The following CDH7 variants were observed in gnomAD, a reference collection of about 807,000 sequenced individuals.
CDH7 encodes the protein cadherin-7.
CDH7 carries 25 observed loss-of-function variants against 71.8 expected under a neutral mutation model. The observed-to-expected ratio is 0.35, with a 90% CI of 0.25 to 0.49. The LOEUF is 0.49. Ranked by LOEUF, CDH7 falls within the 20% of genes least tolerant of loss-of-function variation. The pLI is 0.99. For synonymous variants in CDH7, 381 were observed against 363.8 expected (o/e 1.05, Z -0.54); for missense variants, 862 against 974.6 (o/e 0.88, Z 1.54).
intron 6 of CDH7, among the ~76,000 whole-genome samples, chr18:65,836,253 G>A (rs1912528749): frequency 6.6e-6 from 1 of 152,154 alleles, no homozygotes; most frequent in African/African-American, 2.4e-5. Flanking sequence ...AATTAATGCA[G>A]AAGTCAAAAT....
intron 7 of CDH7, among the ~76,000 whole-genome samples, chr18:65,853,104 A>C (rs1197411232): frequency 6.6e-6 from 1 of 152,152 alleles, no homozygotes; most frequent in African/African-American, 2.4e-5. Flanking sequence ...TATGGAAGTG[A>C]TCTCTCTAAT....
At chr18:65,810,144 T>A in intron 3 of CDH7, 146 bp downstream of exon 3, 2 of 633,294 alleles carry the variant, frequency 3.2e-6, no homozygotes, top group East Asian at 5.4e-5. Context: ...GGGGAACATT[T>A]GAGACATGTT....
At chr18:65,866,931 T>C (rs1184794378) in intron 11 of CDH7, among the ~76,000 whole-genome samples, 2 of 152,214 alleles carry the variant, frequency 1.3e-5, no homozygotes, top group Non-Finnish European at 1.5e-5. Context: ...AGATAAGCTA[T>C]TGCTATACTC....
chr18:65,808,369 A>C (rs1274915149), intron 2 of CDH7, among the ~76,000 whole-genome samples: 1 of 152,242 alleles, frequency 6.6e-6, no homozygotes, highest in Non-Finnish European at 1.5e-5. Flanking sequence ...TAAGACAGTT[A>C]AATAATTCAC....
At chr18:65,759,473 C>T (rs536199789) in intron 1 of CDH7, among the ~76,000 whole-genome samples, 7 of 151,264 alleles carry the variant, frequency 4.6e-5, no homozygotes, top group South Asian at 4.2e-4. Flanking sequence ...AGGATGGTCT[C>T]GATCTCCTGA....
chr18:65,856,437 T>C (rs1913359430), intron 7 of CDH7, among the ~76,000 whole-genome samples: 1 of 152,076 alleles, frequency 6.6e-6, no homozygotes, highest in Non-Finnish European at 1.5e-5. Flanking sequence ...ATCAATAAAC[T>C]GTAGGTCCCT....
At chr18:65,838,444 T>C (rs1912612566) in intron 6 of CDH7, among the ~76,000 whole-genome samples, 2 of 152,222 alleles carry the variant, frequency 1.3e-5, no homozygotes, top group African/African-American at 2.4e-5. Context: ...ATAGAACTTT[T>C]GAACAAAATC....
At chr18:65,850,170 T>TA (rs199618062) in intron 7 of CDH7, among the ~76,000 whole-genome samples, 36,997 of 75,476 alleles carry the variant, frequency 0.49, 5,162 homozygotes, top group Non-Finnish European at 0.55. Context: ...CCACACTATA[T>TA]ATAATATATA....
chr18:65,759,568 A>G (rs1916132273), intron 1 of CDH7, among the ~76,000 whole-genome samples: 1 of 152,022 alleles, frequency 6.6e-6, no homozygotes, highest in Non-Finnish European at 1.5e-5. Flanking sequence ...ATCTTTTATT[A>G]TTAACAATGT....
intron 2 of CDH7, among the ~76,000 whole-genome samples, chr18:65,795,853 T>C (rs946648931): frequency 1.3e-5 from 2 of 151,988 alleles, no homozygotes; most frequent in Admixed American, 1.3e-4. Flanking sequence ...ATGGAGGCAG[T>C]TCCCCCATGC....
intron 8 of CDH7, among the ~76,000 whole-genome samples, chr18:65,858,661 T>C (rs1210093973): frequency 6.6e-6 from 1 of 152,032 alleles, no homozygotes; most frequent in Non-Finnish European, 1.5e-5. Flanking sequence ...TGTATATGTA[T>C]ATATTTGGAT....
chr18:65,763,169 G>A lies in CDH7; in HGVS notation c.210+117G>A, dbSNP rs188097456. 4.6e-4 allele frequency: 242 copies of A among 531,816 alleles called. 1 individual carries two copies. The highest frequency in any genetic ancestry group is 5.6e-4 in the Non-Finnish European group (183 of 328,312). The allele number at this position is 531,816 out of a possible 1,614,324, so 32.9% of individuals were successfully genotyped here. On this transcript the variant is annotated intron_variant, in intron 2 of 11. Transcript: ENST00000397968. ...TTTGCTATGGGGATGGTAAACACAA[G>A]ACATCATTTCTATGAAAGAGTTTAT... is the stretch of plus-strand genomic sequence containing the variant.
intron 5 of CDH7, 61 bp downstream of exon 5, chr18:65,822,309 A>G: frequency 1.5e-6 from 2 of 1,312,754 alleles, no homozygotes; most frequent in Non-Finnish European, 2.1e-6. Flanking sequence ...TATAAAATAC[A>G]TCTTTAAAAT....
intron 7 of CDH7, among the ~76,000 whole-genome samples, chr18:65,857,077 A>G (rs1439407482): frequency 1.3e-5 from 2 of 151,564 alleles, no homozygotes; most frequent in Non-Finnish European, 2.9e-5. Flanking sequence ...AAAAGATATT[A>G]CTAAGTATAT....
intron 7 of CDH7, among the ~76,000 whole-genome samples, chr18:65,850,092 A>C (rs995432073): frequency 1.2e-4 from 18 of 151,178 alleles, no homozygotes; most frequent in African/African-American, 4.1e-4. Context: ...TGAACCCAGG[A>C]GGTGGAGGGT....
intron 2 of CDH7, among the ~76,000 whole-genome samples, chr18:65,781,922 TTC>T (rs371567785): frequency 0.16 from 6,516 of 40,462 alleles, 1,206 homozygotes; most frequent in Middle Eastern, 0.3. Context: ...CTTTCTCTCT[TTC>T]TCTCTCTCTC....
At chr18:65,858,231 T>A (rs1035242149) in intron 8 of CDH7, among the ~76,000 whole-genome samples, 1 of 152,168 alleles carries the variant, frequency 6.6e-6, no homozygotes, top group South Asian at 2.1e-4. Context: ...ATATTGTGTT[T>A]ATGCTGTTAT....
intron 4 of CDH7, 95 bp downstream of exon 4, chr18:65,814,699 C>T: frequency 9.7e-7 from 1 of 1,036,164 alleles, no homozygotes. Flanking sequence ...TAATAACATA[C>T]CATTTTATTA....
In CDH7 at chr18:65,866,191, T is replaced by C. The variant is rs375778519; in HGVS notation, c.1864+3274T>C. 1.0e-3 allele frequency among the ~76,000 whole-genome samples: 35 copies of C among 33,752 alleles called. 14 individuals are homozygous for C. Among genetic ancestry groups the C allele is most frequent in the Non-Finnish European group, 4.6e-4 (9 of 19,770 alleles). 22.1% of individuals were successfully genotyped at this position (33,752 alleles called of 152,430 possible). On this transcript the variant is annotated intron_variant, in intron 11 of 11. Transcript: ENST00000397968. The stretch of plus-strand genomic sequence containing the variant: ...GCGGGCGCCTGTAGTCCCAGCTACT[T>C]GGGAGGCTGAGGCAGGAGAATGGCG...
Sources: allele counts gnomAD v4.1 joint callset (sites outside exome capture counted in the v4.1 genomes callset), GRCh38; gene constraint gnomAD v4.1.1; transcripts MANE v1.5; gene names NCBI Gene and HGNC (gene_info 2026-07-23, HGNC 2026-07-21).